The following PRICKLE1 variants were observed in gnomAD, a reference collection of about 807,000 sequenced individuals.
PRICKLE1 encodes prickle planar cell polarity protein 1.
A neutral mutation model predicts 70.2 loss-of-function variants in PRICKLE1; 14 were observed. The ratio of observed to expected loss-of-function variants is 0.20; its 90% CI spans 0.13 to 0.31. PRICKLE1 has a LOEUF of 0.31. Among genes scored for constraint, PRICKLE1 ranks in the 10% least tolerant of loss-of-function variants. The probability of loss-of-function intolerance (pLI) is 1.00; values close to 1 mark genes in which losing one functional copy is unlikely to be tolerated. For missense variants in PRICKLE1, 821 were observed against 1,026.2 expected (o/e 0.80, Z 2.73); for synonymous variants, 357 against 379.9 (o/e 0.94, Z 0.70).
intron 1 of PRICKLE1, among the ~76,000 whole-genome samples, chr12:42,537,525 A>G (rs1273632349): frequency 6.6e-6 from 1 of 152,182 alleles, no homozygotes; most frequent in Non-Finnish European, 1.5e-5. Flanking sequence ...AACAAAACGC[A>G]GTAATATTGA....
chr12:42,515,888 T>A (rs1416494665), intron 1 of PRICKLE1, among the ~76,000 whole-genome samples: 1 of 152,210 alleles, frequency 6.6e-6, no homozygotes, highest in African/African-American at 2.4e-5. Context: ...CTGTACACAG[T>A]ACTTGGTAAG....
At chr12:42,466,452 C>T in intron 5 of PRICKLE1, 72 bp from the exon 6 acceptor site, 1 of 1,397,248 alleles carries the variant, frequency 7.2e-7, no homozygotes, top group South Asian at 1.2e-5. Flanking sequence ...CAAGTAACTG[C>T]ATGTTTTCCG....
intron 1 of PRICKLE1, among the ~76,000 whole-genome samples, chr12:42,493,894 C>T (rs961489554): frequency 5.3e-5 from 8 of 150,014 alleles, no homozygotes; most frequent in South Asian, 2.1e-4. Context: ...AAAAAGAGAA[C>T]GAAAGAAAGA....
intron 1 of PRICKLE1, among the ~76,000 whole-genome samples, chr12:42,514,983 C>T (rs1041150159): frequency 8.6e-5 from 13 of 151,866 alleles, no homozygotes; most frequent in East Asian, 3.9e-4. Context: ...GGTAGGAGTG[C>T]GGTGGCATGA....
chr12:42,479,146 C>T (rs982867865), intron 1 of PRICKLE1, among the ~76,000 whole-genome samples: 1 of 152,226 alleles, frequency 6.6e-6, no homozygotes, highest in East Asian at 1.9e-4. Flanking sequence ...CCTATTGCAA[C>T]GTACCAATTG....
intron 1 of PRICKLE1, among the ~76,000 whole-genome samples, chr12:42,498,427 G>T (rs559989894): frequency 1.3e-5 from 2 of 152,096 alleles, no homozygotes; most frequent in East Asian, 3.9e-4. Context: ...TCCCACCTTG[G>T]CCTCCCAAAG....
At chr12:42,550,573 G>A (rs1940297995) in intron 1 of PRICKLE1, among the ~76,000 whole-genome samples, 1 of 152,118 alleles carries the variant, frequency 6.6e-6, no homozygotes, top group Non-Finnish European at 1.5e-5. Context: ...GAAACACAGT[G>A]GCATTTGTGG....
chr12:42,509,173 G>A (rs571376867), intron 1 of PRICKLE1, among the ~76,000 whole-genome samples: 3 of 152,264 alleles, frequency 2.0e-5, no homozygotes, highest in Non-Finnish European at 4.4e-5. Context: ...TTTTGTCTCC[G>A]TGGGGTTTAG....
chr12:42,528,515 C>A (rs762182133), intron 1 of PRICKLE1, among the ~76,000 whole-genome samples: 2 of 152,172 alleles, frequency 1.3e-5, no homozygotes, highest in African/African-American at 2.4e-5. Flanking sequence ...CTAAAAATTA[C>A]AGCATAGGTT....
Position 42,470,898 on chromosome 12 carries a change from T to G in PRICKLE1, c.133-539A>C, listed in dbSNP as rs138628437. 2.1e-3 allele frequency among the ~76,000 whole-genome samples: 307 copies of G among 146,838 alleles called. 2 individuals are homozygous for G. Among genetic ancestry groups the G allele is most frequent in the African/African-American group, 7.3e-3 (287 of 39,344 alleles). On this transcript the variant is annotated intron_variant, in intron 2 of 7. Transcript: ENST00000345127. ...TCCAGCCTGAGTGACAGAGCAAGAA[T>G]CCGTCTCAAAAAAAAAAAAAAGACT... is the stretch of plus-strand genomic sequence containing the variant.
At chr12:42,553,013 C>T (rs1168756408) in intron 1 of PRICKLE1, among the ~76,000 whole-genome samples, 3 of 152,224 alleles carry the variant, frequency 2.0e-5, no homozygotes, top group African/African-American at 7.2e-5. Context: ...GTATTGCTCG[C>T]TGGCCGGCGG....
chr12:42,469,786 T>A (rs1200407843), intron 3 of PRICKLE1, 199 bp from the exon 4 acceptor site: 2 of 596,334 alleles, frequency 3.4e-6, no homozygotes, highest in South Asian at 2.0e-5. Context: ...GAAGGAATAC[T>A]TTTTTTTTAA....
intron 1 of PRICKLE1, among the ~76,000 whole-genome samples, chr12:42,475,983 T>G (rs1027740418): frequency 1.3e-5 from 2 of 148,980 alleles, no homozygotes; most frequent in African/African-American, 5.0e-5. Flanking sequence ...CCCTGTAATA[T>G]CAGCTACTCA....
At chr12:42,569,920 C>T (rs2120745870) in intron 1 of PRICKLE1, among the ~76,000 whole-genome samples, 1 of 152,350 alleles carries the variant, frequency 6.6e-6, no homozygotes, top group Middle Eastern at 3.4e-3. Flanking sequence ...CTGCAGAGGA[C>T]ACCTGCTATT....
chr12:42,533,313 G>C (rs1939956751), intron 1 of PRICKLE1, among the ~76,000 whole-genome samples: 1 of 151,152 alleles, frequency 6.6e-6, no homozygotes, highest in Non-Finnish European at 1.5e-5. Context: ...AATCAGCACT[G>C]ATTAGATTTA....
chr12:42,495,375 T>G (rs1176358271), intron 1 of PRICKLE1, among the ~76,000 whole-genome samples: 1 of 133,976 alleles, frequency 7.5e-6, no homozygotes, highest in South Asian at 2.5e-4. Context: ...AGCCAGACCT[T>G]GTCTCAAAAA....
chr12:42,487,722 G>A (rs1371863639), intron 1 of PRICKLE1, among the ~76,000 whole-genome samples: 1 of 152,132 alleles, frequency 6.6e-6, no homozygotes, highest in Non-Finnish European at 1.5e-5. Context: ...GAACTTTTGA[G>A]GAGAGAACAC....
intron 1 of PRICKLE1, among the ~76,000 whole-genome samples, chr12:42,487,753 C>CA (rs1223666376): frequency 6.6e-6 from 1 of 152,080 alleles, no homozygotes; most frequent in East Asian, 1.9e-4. Flanking sequence ...CCAACTAAAA[C>CA]AAAAAATCTC....
intron 1 of PRICKLE1, among the ~76,000 whole-genome samples, chr12:42,512,423 G>A (rs889285731): frequency 6.6e-6 from 1 of 152,080 alleles, no homozygotes; most frequent in South Asian, 2.1e-4. Context: ...CGATCCACCC[G>A]CCTTGGCCTC....
Sources: allele counts gnomAD v4.1 joint callset (sites outside exome capture counted in the v4.1 genomes callset), GRCh38; gene constraint gnomAD v4.1.1; transcripts MANE v1.5; gene names NCBI Gene and HGNC (gene_info 2026-07-23, HGNC 2026-07-21).